Variants in TMEM39B observed in about 807,000 individuals in gnomAD.
TMEM39B encodes transmembrane protein 39B.
A neutral mutation model predicts 52.2 loss-of-function variants in TMEM39B; 23 were observed. That is an observed-to-expected ratio of 0.44 (90% CI 0.32 to 0.62). The LOEUF is 0.62. Among genes scored for constraint, TMEM39B ranks in the 20% least tolerant of loss-of-function variants. The pLI, the probability that TMEM39B is intolerant of heterozygous loss-of-function variation, is 0.06. For missense variants in TMEM39B, 547 were observed against 642.0 expected (o/e 0.85, Z 1.60); for synonymous variants, 285 against 264.0 (o/e 1.08, Z -0.77).
chr1:32,077,022 G>A, intron 4 of TMEM39B, 142 bp from the exon 5 acceptor site: 1 of 1,325,450 alleles, frequency 7.5e-7, no homozygotes, highest in Non-Finnish European at 1.1e-6. Flanking sequence ...TCAAAGAGAA[G>A]GATTTACCTT....
intron 5 of TMEM39B, among the ~76,000 whole-genome samples, chr1:32,088,495 C>T (rs1438250678): frequency 6.6e-6 from 1 of 151,610 alleles, no homozygotes; most frequent in African/African-American, 2.4e-5. Context: ...GCTTCTTCGT[C>T]TGTCATCATG....
At chr1:32,092,054 T>G (rs958392548) in intron 6 of TMEM39B, 43 bp downstream of exon 6, 2 of 1,555,764 alleles carry the variant, frequency 1.3e-6, no homozygotes, top group Non-Finnish European at 1.8e-6. Context: ...TAGCTGGGAC[T>G]TTACCCTGCT....
chr1:32,092,688 A>T (rs1428182118), intron 6 of TMEM39B, among the ~76,000 whole-genome samples: 5 of 151,820 alleles, frequency 3.3e-5, no homozygotes, highest in Admixed American at 1.3e-4. Context: ...ACGGGGTTTC[A>T]TGATGTTGGC....
intron 8 of TMEM39B, among the ~76,000 whole-genome samples, chr1:32,101,510 T>C (rs899917837): frequency 6.6e-6 from 1 of 151,824 alleles, no homozygotes; most frequent in African/African-American, 2.4e-5. Context: ...TTGGAGGAGT[T>C]AGAACCCCCT....
chr1:32,087,098 CCT>C (rs1640381748), intron 5 of TMEM39B: 1 of 151,810 alleles, frequency 6.6e-6, no homozygotes, highest in African/African-American at 2.4e-5. Context: ...ACAGCAAGAC[CCT>C]GTCTTAATTA....
At chr1:32,091,467 A>T (rs776198734) in intron 5 of TMEM39B, among the ~76,000 whole-genome samples, 11 of 152,142 alleles carry the variant, frequency 7.2e-5, no homozygotes, top group Non-Finnish European at 1.3e-4. Flanking sequence ...CTATACCCCT[A>T]GTGCTTGGCA....
chr1:32,073,975 C>G lies in TMEM39B; in HGVS notation c.4+924C>G, dbSNP rs1356645591. 4.7e-6 allele frequency: 4 copies of G among 842,982 alleles called. No homozygotes were observed. The East Asian group carries it at 4.9e-4, about 102-fold the overall frequency. The allele number at this position is 842,982 out of a possible 1,614,324, so 52.2% of individuals were successfully genotyped here. A position where few individuals can be genotyped will look rare whatever the true frequency, so the allele number is the denominator to read the frequency against. ...TGTTGCCCAGGCTGGTCTCCAACTC[C>G]TGGTCTCAAGCGATCCTCCCGCCTC... On this transcript the variant is annotated intron_variant, in intron 1 of 8. Coordinates refer to ENST00000336294, the MANE Select transcript of TMEM39B (RefSeq NM_018056.4).
At chr1:32,077,140 C>A (rs769785024) in intron 4 of TMEM39B, 24 bp from the exon 5 acceptor site, 70 of 1,613,012 alleles carry the variant, frequency 4.3e-5, no homozygotes, top group Non-Finnish European at 4.8e-5. Context: ...AGGCCCCATC[C>A]CGTCCTATCT....
At chr1:32,090,413 A>C (rs574654952) in intron 5 of TMEM39B, among the ~76,000 whole-genome samples, 1 of 151,980 alleles carries the variant, frequency 6.6e-6, no homozygotes, top group Non-Finnish European at 1.5e-5. Context: ...AGCTGTTCTC[A>C]TATGCACCCA....
intron 5 of TMEM39B, among the ~76,000 whole-genome samples, chr1:32,091,355 C>T (rs1171155012): frequency 6.6e-6 from 1 of 152,194 alleles, no homozygotes; most frequent in South Asian, 2.1e-4. Flanking sequence ...GAACATAGGC[C>T]GAGCCCAGCG....
Position 32,091,899 on chromosome 1 carries a change from G to A in TMEM39B, c.815G>A (p.Arg272His), listed in dbSNP as rs764234303. 7 of 1,614,210 alleles carry A rather than the reference G, an allele frequency of 4.3e-6. No homozygotes were observed. The highest frequency in any genetic ancestry group is 1.1e-5 in the South Asian group (1 of 91,088). ...HACCLSPSLI[R>H]SEVEFLKMDF... ...TGCTGCCTGTCACCCAGCCTCATCC[G>A]CAGTGAGGTGGAGTTCCTCAAGATG... is the stretch of plus-strand genomic sequence containing the variant. The change falls in exon 6 of 9, where the codon CGC becomes CAC. Residue 272 changes from arginine to histidine, a missense_variant. Coordinates refer to ENST00000336294, the MANE Select transcript of TMEM39B (RefSeq NM_018056.4).
chr1:32,076,945 C>T, intron 4 of TMEM39B, 99 bp downstream of exon 4: 1 of 1,408,980 alleles, frequency 7.1e-7, no homozygotes, highest in South Asian at 1.2e-5. Flanking sequence ...TAGGGTATTT[C>T]CTTGGGGCTC....
At chr1:32,095,436 C>A (rs1640775291) in intron 7 of TMEM39B, among the ~76,000 whole-genome samples, 1 of 152,076 alleles carries the variant, frequency 6.6e-6, no homozygotes, top group Admixed American at 6.6e-5. Flanking sequence ...TGGAGGGACC[C>A]ATGCCAAGGT....
rs1569855075 is a variant in TMEM39B, at chr1:32,075,751, G to A, written c.280G>A (p.Val94Ile). The A allele has an allele frequency of 3.9e-6, 6 of 1,551,068 alleles. No homozygotes were observed. Among genetic ancestry groups the A allele is most frequent in the African/African-American group, 1.4e-5 (1 of 72,952 alleles). The change falls in exon 3 of 9, where the codon GTC becomes ATC. Residue 94 changes from valine (V) to isoleucine (I), a missense_variant. Coordinates refer to ENST00000336294, the MANE Select transcript of TMEM39B (RefSeq NM_018056.4). ...LFFCQLIALFVHYINIYKTVW... is the reference protein window; with the variant it reads ...LFFCQLIALFIHYINIYKTVW... The stretch of plus-strand genomic sequence containing the variant: ...CTTCTGCCAGCTCATAGCACTCTTC[G>A]TCCACTACATCAACATCTACAAGAC...
rs1052880118 is a variant in TMEM39B at position 32,094,780 on chromosome 1, C to A, written c.928-4C>A. 4 of 1,614,016 alleles carry A rather than the reference C, an allele frequency of 2.5e-6. No individual in the cohort carries two copies. In the African/African-American group the frequency reaches 5.3e-5, roughly 22 times the overall value. On this transcript the variant is annotated splice_polypyrimidine_tract_variant and splice_region_variant and intron_variant, in intron 6 of 8. Coordinates refer to ENST00000336294, the MANE Select transcript of TMEM39B (RefSeq NM_018056.4). The stretch of plus-strand genomic sequence containing the variant: ...AGGCCTCACCCACCTTCTGCTACCC[C>A]CAGAACACACATTACTATGACAAGC...
intron 1 of TMEM39B, 170 bp downstream of exon 1, chr1:32,073,221 CTG>C (rs1040554142): frequency 1.9e-5 from 12 of 634,922 alleles, no homozygotes; most frequent in South Asian, 1.8e-4. Flanking sequence ...GGTGGGGCCT[CTG>C]TTGTGGGGGC....
At chr1:32,083,063 C>G (rs940599025) in intron 5 of TMEM39B, among the ~76,000 whole-genome samples, 10 of 150,540 alleles carry the variant, frequency 6.6e-5, no homozygotes, top group African/African-American at 2.4e-4. Context: ...CGTGAGCCAC[C>G]GCGCCCAGCC....
At chr1:32,085,652 G>C (rs765869123) in intron 5 of TMEM39B, among the ~76,000 whole-genome samples, 2 of 151,806 alleles carry the variant, frequency 1.3e-5, no homozygotes, top group African/African-American at 2.4e-5. Context: ...TCGGGAGACT[G>C]AGGCAGGAGA....
chr1:32,100,586 A>G, intron 8 of TMEM39B, 24 bp downstream of exon 8: 2 of 1,613,856 alleles, frequency 1.2e-6, no homozygotes, highest in South Asian at 1.1e-5. Context: ...CCGGGGAAGG[A>G]GGGTTGGGGC....
Sources: allele counts gnomAD v4.1 joint callset (sites outside exome capture counted in the v4.1 genomes callset), GRCh38; gene constraint gnomAD v4.1.1; transcripts MANE v1.5; gene names NCBI Gene and HGNC (gene_info 2026-07-23, HGNC 2026-07-21).